Variants in EIF4G3 observed in about 807,000 individuals in gnomAD.
EIF4G3 encodes eIF-4-gamma 3.
EIF4G3 carries 34 observed loss-of-function variants against 186.4 expected under a neutral mutation model. The observed-to-expected ratio is 0.18, with a 90% CI of 0.14 to 0.24. The LOEUF is 0.24. Among genes scored for constraint, EIF4G3 ranks in the 10% least tolerant of loss-of-function variants. The probability of loss-of-function intolerance (pLI) is 1.00; values close to 1 mark genes in which losing one functional copy is unlikely to be tolerated. For missense variants in EIF4G3, 1,536 were observed against 1,948.5 expected (o/e 0.79, Z 3.99); for synonymous variants, 673 against 679.5 (o/e 0.99, Z 0.15).
At chr1:21,159,441 A>C (rs2097719959) in intron 2 of EIF4G3, among the ~76,000 whole-genome samples, 1 of 152,034 alleles carries the variant, frequency 6.6e-6, no homozygotes, top group Non-Finnish European at 1.5e-5. Flanking sequence ...TAAAAAAAAA[A>C]AAAAGAAAAA....
chr1:20,916,735 G>A (rs756980651), intron 14 of EIF4G3, among the ~76,000 whole-genome samples: 7 of 152,086 alleles, frequency 4.6e-5, no homozygotes, highest in Non-Finnish European at 2.9e-5. Flanking sequence ...TATCACGACC[G>A]TGTGGTATGA....
At chr1:20,982,758 C>A (rs1239485401) in intron 7 of EIF4G3, among the ~76,000 whole-genome samples, 4 of 152,190 alleles carry the variant, frequency 2.6e-5, no homozygotes, top group Admixed American at 6.5e-5. Context: ...CTCATGATCA[C>A]CCATTTCATG....
intron 4 of EIF4G3, among the ~76,000 whole-genome samples, chr1:21,011,209 T>TAAA (rs970430807): frequency 0.026 from 3,792 of 145,398 alleles, 76 homozygotes; most frequent in Non-Finnish European, 0.037. Context: ...AACTTTTTTT[T>TAAA]AAAAAAAAAA....
chr1:20,924,317 A>T (rs2094708109), intron 14 of EIF4G3, among the ~76,000 whole-genome samples: 1 of 152,174 alleles, frequency 6.6e-6, no homozygotes, highest in Non-Finnish European at 1.5e-5. Flanking sequence ...AAAAACTGGA[A>T]TTTTTCTGCA....
chr1:21,130,097 A>G (rs1362100731), intron 2 of EIF4G3, among the ~76,000 whole-genome samples: 1 of 151,974 alleles, frequency 6.6e-6, no homozygotes, highest in East Asian at 1.9e-4. Flanking sequence ...CAACAATAAA[A>G]ACCCAAGCTA....
intron 14 of EIF4G3, among the ~76,000 whole-genome samples, chr1:20,907,381 AT>A (rs1043094355): frequency 6.6e-6 from 1 of 151,582 alleles, no homozygotes; most frequent in Non-Finnish European, 1.5e-5. Flanking sequence ...ATTTTTGCAA[AT>A]TTTTTTTTAA....
chr1:21,124,089 C>T (rs2096978637), intron 2 of EIF4G3, among the ~76,000 whole-genome samples: 1 of 151,842 alleles, frequency 6.6e-6, no homozygotes. Context: ...TCAGGAGTTC[C>T]AGACCAGCCT....
chr1:20,900,928 CTTT>C (rs1364052147), intron 15 of EIF4G3, among the ~76,000 whole-genome samples: 1 of 152,084 alleles, frequency 6.6e-6, no homozygotes, highest in African/African-American at 2.4e-5. Context: ...ACAAATACTT[CTTT>C]GTTAGATAGT....
At position 20,836,421 on chromosome 1, in the gene EIF4G3, A is replaced by AT. The variant is rs374956099; in HGVS notation, c.4061+4434dup. On this transcript the variant is annotated intron_variant, in intron 30 of 36. Transcript: ENST00000602326. The stretch of plus-strand genomic sequence containing the variant: ...CCATGCACAGCCAATTTTTTTGTTA[A>AT]TTTTTTTTACAGATGGGGTCTTGCT... Among the ~76,000 whole-genome samples, 747 of 150,636 alleles carry AT rather than the reference A, an allele frequency of 5.0e-3. 6 individuals carry two copies. Among genetic ancestry groups the AT allele is most frequent in the African/African-American group, 0.017 (713 of 40,980 alleles).
intron 4 of EIF4G3, among the ~76,000 whole-genome samples, chr1:21,008,702 C>T (rs2086053949): frequency 6.6e-6 from 1 of 152,140 alleles, no homozygotes; most frequent in Non-Finnish European, 1.5e-5. Flanking sequence ...GAAGCACTTA[C>T]TCAGCCACAG....
intron 2 of EIF4G3, among the ~76,000 whole-genome samples, chr1:21,154,702 C>T (rs7543095): frequency 0.97 from 147,362 of 152,312 alleles, 71,479 homozygotes; most frequent in East Asian, 1. Context: ...TTTAACCTAA[C>T]ATTTCAAATT....
intron 36 of EIF4G3, among the ~76,000 whole-genome samples, chr1:20,809,946 G>C (rs1263314689): frequency 6.6e-6 from 1 of 151,950 alleles, no homozygotes; most frequent in Non-Finnish European, 1.5e-5. Flanking sequence ...TTCTTGTTGT[G>C]ATATTTTCAT....
At position 20,892,271 on chromosome 1, in the gene EIF4G3, T is replaced by C. The variant is rs1370878572; in HGVS notation, c.2253+1246A>G. Among the ~76,000 whole-genome samples the C allele has an allele frequency of 2.6e-5, 4 of 152,196 alleles. No individual in the cohort carries two copies. In the East Asian group the frequency reaches 7.7e-4, roughly 29 times the overall value. On this transcript the variant is annotated intron_variant, in intron 18 of 36. Transcript: ENST00000602326. Reference sequence around the variant, plus strand: ...CCCCAAGCTCCTCCAAAATGTTAGATTTATTGCTCTCTATGCCATTCTAAC... The same window carrying C: ...CCCCAAGCTCCTCCAAAATGTTAGACTTATTGCTCTCTATGCCATTCTAAC...
chr1:20,825,096 T>C lies in EIF4G3; in HGVS notation c.4368+4A>G. 1 of 1,601,586 alleles carries C rather than the reference T, an allele frequency of 6.2e-7. No individual in the cohort carries two copies. Among genetic ancestry groups the C allele is most frequent in the South Asian group, 1.1e-5 (1 of 89,732 alleles). ...AAACAGCAAAACATAAGCCTTGTTC[T>C]TACCTGCTCCAAAAGAAAATTATGT... On this transcript the variant is annotated splice_donor_region_variant and intron_variant, in intron 33 of 36. Coordinates refer to ENST00000602326, the MANE Select transcript of EIF4G3 (RefSeq NM_001391906.1).
intron 20 of EIF4G3, among the ~76,000 whole-genome samples, chr1:20,878,871 T>C (rs2081559655): frequency 6.6e-6 from 1 of 152,214 alleles, no homozygotes; most frequent in African/African-American, 2.4e-5. Context: ...TTCTATGACA[T>C]GAAATTATCA....
At chr1:20,936,165 A>G (rs969281251) in intron 14 of EIF4G3, among the ~76,000 whole-genome samples, 4 of 152,222 alleles carry the variant, frequency 2.6e-5, no homozygotes, top group African/African-American at 9.6e-5. Flanking sequence ...GAATTTGACC[A>G]GCATCAGTAT....
intron 4 of EIF4G3, among the ~76,000 whole-genome samples, chr1:21,046,255 C>A (rs569561074): frequency 2.0e-5 from 3 of 152,314 alleles, no homozygotes; most frequent in Admixed American, 1.3e-4. Context: ...TTACCATTGT[C>A]TGAAATGTCA....
chr1:20,818,332 C>T (rs1262814728), intron 33 of EIF4G3, among the ~76,000 whole-genome samples: 3 of 152,084 alleles, frequency 2.0e-5, no homozygotes, highest in Non-Finnish European at 2.9e-5. Context: ...CACTTAGATA[C>T]ATAGTTTTAA....
At chr1:20,980,906 A>C (rs1482483710) in intron 9 of EIF4G3, 142 bp downstream of exon 9, 1 of 581,686 alleles carries the variant, frequency 1.7e-6, no homozygotes, top group Non-Finnish European at 2.7e-6. Context: ...AAATCACAAA[A>C]GGGCTAGATT....
Sources: gnomAD v4.1 joint callset for allele counts (sites outside exome capture counted in the v4.1 genomes callset) on GRCh38, gnomAD v4.1.1 for gene constraint, MANE v1.5 for transcripts, NCBI Gene and HGNC (gene_info 2026-07-23, HGNC 2026-07-21) for gene names.